Variants in SCGN observed in about 807,000 individuals in gnomAD.
SCGN encodes secretagogin.
In SCGN, 30 loss-of-function variants were observed where a neutral mutation model predicts 39.7. That is an observed-to-expected ratio of 0.76 (90% confidence interval 0.57 to 1.03). The LOEUF (loss-of-function observed/expected upper bound fraction) is 1.03, where lower values mean the gene tolerates loss of function less well. Among genes scored for constraint, SCGN ranks in the 50% least tolerant of loss-of-function variants. The pLI is 0.00. For synonymous variants in SCGN, 106 were observed against 114.1 expected, an observed-to-expected ratio of 0.93 and a Z score of 0.45; for missense variants, 353 against 349.4, an observed-to-expected ratio of 1.01 and a Z score of -0.08.
chr6:25,677,132 T>C (rs187419145), intron 6 of SCGN, among the ~76,000 whole-genome samples: 1 of 152,286 alleles, frequency 6.6e-6, no homozygotes, highest in Non-Finnish European at 1.5e-5. Flanking sequence ...TTTGCTAGTC[T>C]ACAATGTCTT....
chr6:25,692,712 G>C (rs1323144256), intron 10 of SCGN, among the ~76,000 whole-genome samples: 1 of 152,186 alleles, frequency 6.6e-6, no homozygotes, highest in Non-Finnish European at 1.5e-5. Context: ...AGCTGGGCTG[G>C]GCTGAGGGAT....
At chr6:25,665,391 CT>C (rs1461712963) in intron 4 of SCGN, among the ~76,000 whole-genome samples, 1 of 152,134 alleles carries the variant, frequency 6.6e-6, no homozygotes, top group Non-Finnish European at 1.5e-5. Flanking sequence ...TAGCTTCAGC[CT>C]TTTGAGAATG....
intron 4 of SCGN, among the ~76,000 whole-genome samples, chr6:25,668,258 A>G (rs1295127068): frequency 1.3e-5 from 2 of 152,156 alleles, no homozygotes; most frequent in Non-Finnish European, 2.9e-5. Flanking sequence ...ATTTTGTACA[A>G]GAGTTAATGA....
chr6:25,663,343 C>A (rs116836206), intron 3 of SCGN, among the ~76,000 whole-genome samples: 1,681 of 152,216 alleles, frequency 0.011, 15 homozygotes, highest in Non-Finnish European at 0.018. Context: ...TCCAGTTGAC[C>A]CTGTGTAGGT....
chr6:25,676,159 A>C lies in SCGN; in HGVS notation c.472-5792A>C, dbSNP rs569851190. ...ATTGAACACATTTAAATTACATTCT[A>C]AATCTGACCGTTTCTCACCCTGTTC... On this transcript the variant is annotated intron_variant, in intron 6 of 10. Coordinates refer to ENST00000377961, the MANE Select transcript of SCGN (RefSeq NM_006998.4). Among the ~76,000 whole-genome samples, 3 of 152,304 alleles carry C rather than the reference A, an allele frequency of 2.0e-5. No individual in the cohort carries two copies. In the East Asian group the frequency reaches 5.8e-4, roughly 29 times the overall value.
chr6:25,659,769 T>G (rs1760304448), intron 2 of SCGN, among the ~76,000 whole-genome samples: 1 of 152,216 alleles, frequency 6.6e-6, no homozygotes, highest in Non-Finnish European at 1.5e-5. Flanking sequence ...GTTTTATGCC[T>G]GAGAGCAACA....
At chr6:25,670,930 C>T (rs1011334063) in intron 6 of SCGN, among the ~76,000 whole-genome samples, 13 of 152,312 alleles carry the variant, frequency 8.5e-5, no homozygotes, top group Admixed American at 7.2e-4. Context: ...CTCATCCCTA[C>T]GTGAGTGCTT....
At chr6:25,662,906 AG>A (rs2151377863) in intron 3 of SCGN, among the ~76,000 whole-genome samples, 1 of 152,384 alleles carries the variant, frequency 6.6e-6, no homozygotes, top group Non-Finnish European at 1.5e-5. Flanking sequence ...CCTGGAACAG[AG>A]CATAGCACAT....
chr6:25,701,480 T>G lies in SCGN; in HGVS notation c.*145T>G. On this transcript the variant is annotated 3_prime_UTR_variant, in exon 11 of 11. Coordinates refer to ENST00000377961, the MANE Select transcript of SCGN (RefSeq NM_006998.4). ...GGCAAGAACAGGGACGCTAGGGCCTTCCTTCCACCGGCGTGATCTATCCCT... is the reference window on the plus strand; with the variant it reads ...GGCAAGAACAGGGACGCTAGGGCCTGCCTTCCACCGGCGTGATCTATCCCT... 1.0e-6 allele frequency: 1 copy of G among 961,710 alleles called. No homozygotes were observed. Among genetic ancestry groups the G allele is most frequent in the South Asian group, 1.6e-5 (1 of 60,912 alleles). 59.6% of individuals were successfully genotyped at this position (961,710 alleles called of 1,614,324 possible). A position where few individuals can be genotyped will look rare whatever the true frequency, so the allele number is the denominator to read the frequency against.
At chr6:25,661,140 A>C (rs2072850) in intron 2 of SCGN, among the ~76,000 whole-genome samples, 42,552 of 152,134 alleles carry the variant, frequency 0.28, 6,019 homozygotes, top group African/African-American at 0.32. Flanking sequence ...AGTTACAGAC[A>C]CCTGGGGGCC....
chr6:25,701,013 G>A (rs893348185), intron 10 of SCGN, among the ~76,000 whole-genome samples, 194 bp from the exon 11 acceptor site: 1 of 152,190 alleles, frequency 6.6e-6, no homozygotes, highest in African/African-American at 2.4e-5. Context: ...GACATGCTGA[G>A]AAATGAAGCT....
rs140955997 is a variant in SCGN at position 25,665,017 on chromosome 6, C to A, written c.321C>A (p.Ser107Arg). Residue 107 changes from serine to arginine, a missense_variant, in exon 4 of 11, where the codon AGC becomes AGA. Transcript: ENST00000377961. Reference protein sequence around the residue: ...LFRRENPLDSSVEFMQIWRKY... With the variant: ...LFRRENPLDSRVEFMQIWRKY... Reference sequence around the variant, plus strand: ...GCCGGGAAAACCCACTGGACAGCAGCGTGGAGTTTATGCAGGTGAGTGCTT... The same window carrying A: ...GCCGGGAAAACCCACTGGACAGCAGAGTGGAGTTTATGCAGGTGAGTGCTT... 1.9e-6 allele frequency: 3 copies of A among 1,613,418 alleles called. No individual in the cohort carries two copies. The highest frequency in any genetic ancestry group is 2.7e-5 in the African/African-American group (2 of 74,886).
At chr6:25,676,232 AT>A (rs894119373) in intron 6 of SCGN, among the ~76,000 whole-genome samples, 8 of 152,178 alleles carry the variant, frequency 5.3e-5, no homozygotes, top group African/African-American at 1.9e-4. Flanking sequence ...TTCCCAGCAG[AT>A]CCCCCTATTT....
chr6:25,656,450 G>A (rs558112781), intron 2 of SCGN, among the ~76,000 whole-genome samples: 7 of 152,240 alleles, frequency 4.6e-5, no homozygotes, highest in South Asian at 2.1e-4. Context: ...TCAGAGCCTC[G>A]GAGGGGATTG....
At chr6:25,671,715 C>T (rs148403732) in intron 6 of SCGN, among the ~76,000 whole-genome samples, 6 of 152,236 alleles carry the variant, frequency 3.9e-5, no homozygotes, top group African/African-American at 1.4e-4. Context: ...TTCCTTTTGA[C>T]CTAAGCTCCA....
At chr6:25,691,760 T>G (rs1228436363) in intron 10 of SCGN, among the ~76,000 whole-genome samples, 1 of 152,168 alleles carries the variant, frequency 6.6e-6, no homozygotes, top group Non-Finnish European at 1.5e-5. Context: ...GTGTCGACAA[T>G]GAATTTAGTA....
At chr6:25,700,815 A>T (rs889992498) in intron 10 of SCGN, among the ~76,000 whole-genome samples, 2 of 152,094 alleles carry the variant, frequency 1.3e-5, no homozygotes, top group Non-Finnish European at 2.9e-5. Context: ...TTTAAACCAG[A>T]GGCACAAAAA....
Position 25,658,001 on chromosome 6 carries a change from TC to T in SCGN, c.154-3549del, listed in dbSNP as rs201210497. On this transcript the variant is annotated intron_variant, in intron 2 of 10. Coordinates refer to ENST00000377961, the MANE Select transcript of SCGN (RefSeq NM_006998.4). ...TGGTGTGTGTTCATTTAGAAAGGTATCCTTTTTTTTTTTTTTTTTTTTTTTT... is the reference window on the plus strand; with the variant it reads ...TGGTGTGTGTTCATTTAGAAAGGTATCTTTTTTTTTTTTTTTTTTTTTTTT... 4.3e-3 allele frequency among the ~76,000 whole-genome samples: 407 copies of T among 94,290 alleles called. 61 individuals carry two copies. The highest frequency in any genetic ancestry group is 4.4e-3 in the Non-Finnish European group (195 of 44,114). 61.9% of individuals were successfully genotyped at this position (94,290 alleles called of 152,430 possible).
At chr6:25,669,447 G>A (rs984024137) in intron 4 of SCGN, 64 bp from the exon 5 acceptor site, 70 of 1,326,410 alleles carry the variant, frequency 5.3e-5, no homozygotes, top group Non-Finnish European at 7.6e-5. Flanking sequence ...AACTGTAGTA[G>A]ATACCACATA....
Sources: allele counts gnomAD v4.1 joint callset (sites outside exome capture counted in the v4.1 genomes callset), GRCh38; gene constraint gnomAD v4.1.1; transcripts MANE v1.5; gene names NCBI Gene and HGNC (gene_info 2026-07-23, HGNC 2026-07-21).